DNAH5: variants seen among roughly 807,000 people sequenced by gnomAD.
The protein encoded by DNAH5 is dynein axonemal heavy chain 5.
DNAH5 carries 372 observed loss-of-function variants against 518.2 expected under a neutral mutation model. The ratio of observed to expected loss-of-function variants is 0.72; its 90% CI spans 0.66 to 0.78. DNAH5 has a LOEUF of 0.78. Among genes scored for constraint, DNAH5 ranks in the 30% least tolerant of loss-of-function variants. The pLI is 0.00. For missense variants in DNAH5, 5,523 were observed against 5,687.0 expected, an observed-to-expected ratio of 0.97 and a Z score of 0.93; for synonymous variants, 2,039 against 2,025.9, an observed-to-expected ratio of 1.01 and a Z score of -0.17.
chr5:13,777,325 A>C lies in DNAH5; in HGVS notation c.8982T>G (p.Asp2994Glu), dbSNP rs773014523. Residue 2994 changes from aspartate (D) to glutamate (E), a missense_variant, in exon 54 of 79, where the codon GAT (aspartate) becomes GAG (glutamate). By Grantham distance (45) the Asp-to-Glu change is conservative. Around this residue, in one of 3 missense-constraint regions of DNAH5, gnomAD observed 5,121 missense variants for 5,223.3 expected, o/e 0.98. Transcript: ENST00000265104. ...CAGCTGTTCGATACAAAACCTTCAG[A>C]TCTTCCATCAGATTTGATGTGTTGT... The part of the protein sequence containing the change: ...RSYNTSNLME[D>E]LKVLYRTAGQ... 1.2e-6 allele frequency: 2 copies of C among 1,613,418 alleles called. No individual in the cohort carries two copies. Among genetic ancestry groups the C allele is most frequent in the Non-Finnish European group, 1.7e-6 (2 of 1,179,606 alleles).
chr5:13,797,339 T>G (rs767364676), intron 47 of DNAH5, among the ~76,000 whole-genome samples: 39 of 152,166 alleles, frequency 2.6e-4, no homozygotes, highest in Non-Finnish European at 5.3e-4. Flanking sequence ...TACAGAGAAC[T>G]CAAACAAATT....
upstream of DNAH5, among the ~76,000 whole-genome samples, chr5:13,947,709 G>A (rs147870097): frequency 1.3e-3 from 195 of 152,244 alleles, 1 homozygote; most frequent in African/African-American, 4.5e-3. Flanking sequence ...CTAGCTACAC[G>A]TTTTTCATGG....
At chr5:13,974,345 G>C (rs960900593) in intron 1 of DNAH5, among the ~76,000 whole-genome samples, 1 of 151,982 alleles carries the variant, frequency 6.6e-6, no homozygotes, top group Non-Finnish European at 1.5e-5. Flanking sequence ...GGCTGGGCTT[G>C]AACTCCTGGA....
In DNAH5 at chr5:13,885,061, G is replaced by C. The variant is rs1043801192; in HGVS notation, c.2911C>G (p.Leu971Val). 2 of 1,614,198 alleles carry C rather than the reference G, an allele frequency of 1.2e-6. No individual in the cohort carries two copies. The highest frequency in any genetic ancestry group is 2.7e-5 in the African/African-American group (2 of 75,062). The change falls in exon 19 of 79, where the codon CTG becomes GTG. Residue 971 changes from leucine (L) to valine (V), a missense_variant. Leu to Val is a conservative substitution (Grantham distance 32, BLOSUM62 1). Coordinates refer to ENST00000265104, the MANE Select transcript of DNAH5 (RefSeq NM_001369.3). Reference protein sequence around the residue: ...HFNHQNMDALLKVTRNTLEAI... With the variant: ...HFNHQNMDALVKVTRNTLEAI... The stretch of plus-strand genomic sequence containing the variant: ...TCTAGTGTATTCCTTGTAACTTTCA[G>C]AAGAGCATCCATGTTCTGATGGTTG...
intron 78 of DNAH5, among the ~76,000 whole-genome samples, chr5:13,695,931 C>T (rs575519393): frequency 2.6e-4 from 39 of 152,066 alleles, no homozygotes; most frequent in Non-Finnish European, 4.9e-4. Flanking sequence ...AAAACAATTT[C>T]CCAGACTCAT....
At chr5:13,904,308 T>G (rs956172218) in intron 12 of DNAH5, among the ~76,000 whole-genome samples, 12 of 149,122 alleles carry the variant, frequency 8.0e-5, no homozygotes, top group African/African-American at 2.2e-4. Context: ...GGAAAGAGAG[T>G]CTCAGCTGTT....
At chr5:13,778,394 A>G (rs887394138) in intron 53 of DNAH5, among the ~76,000 whole-genome samples, 5 of 150,654 alleles carry the variant, frequency 3.3e-5, no homozygotes, top group Non-Finnish European at 3.0e-5. Flanking sequence ...CTTCTAGAAG[A>G]CACCTAGAGA....
chr5:13,827,760 C>T (rs973578804), intron 38 of DNAH5, among the ~76,000 whole-genome samples: 17 of 151,966 alleles, frequency 1.1e-4, no homozygotes, highest in African/African-American at 3.9e-4. Context: ...GTTCCATAAT[C>T]CCCACATGTC....
At chr5:13,768,237 C>T (rs1752773645) in intron 58 of DNAH5, among the ~76,000 whole-genome samples, 1 of 152,122 alleles carries the variant, frequency 6.6e-6, no homozygotes, top group African/African-American at 2.4e-5. Context: ...TTCCCCCATG[C>T]TGTTCTCATG....
At chr5:13,753,884 T>C (rs1317744959) in intron 62 of DNAH5, among the ~76,000 whole-genome samples, 2 of 152,136 alleles carry the variant, frequency 1.3e-5, no homozygotes, top group Non-Finnish European at 2.9e-5. Context: ...AATATACCCA[T>C]GCACTCACAG....
chr5:13,947,140 T>A (rs1258604125), upstream of DNAH5, among the ~76,000 whole-genome samples: 2 of 152,230 alleles, frequency 1.3e-5, no homozygotes, highest in Non-Finnish European at 2.9e-5. Flanking sequence ...AAATGTATAA[T>A]GACAAGTAAA....
intron 1 of DNAH5, among the ~76,000 whole-genome samples, chr5:13,975,072 G>T (rs1056831639): frequency 1.3e-5 from 2 of 152,194 alleles, no homozygotes; most frequent in African/African-American, 4.8e-5. Flanking sequence ...CTTGGGCACT[G>T]CATTAGTCTG....
intron 55 of DNAH5, among the ~76,000 whole-genome samples, chr5:13,775,519 T>C (rs940351384): frequency 6.6e-6 from 1 of 151,138 alleles, no homozygotes; most frequent in African/African-American, 2.4e-5. Flanking sequence ...GAAATACAGA[T>C]AGATAGATAG....
chr5:13,861,326 C>T (rs1013764515), intron 29 of DNAH5, among the ~76,000 whole-genome samples: 5 of 152,102 alleles, frequency 3.3e-5, no homozygotes, highest in Non-Finnish European at 7.4e-5. Context: ...ACTTTATATC[C>T]CAATATTACT....
Position 13,883,081 on chromosome 5 carries a change from GGCA to G in DNAH5, c.2994_2996del (p.Ala999del). ...GCAAACTGTTCTGCTTCATGTTAGA[GGCA>G]CTGTTACTGTCTGAGTTAACCCAAA... On this transcript the variant is annotated inframe_deletion, in exon 20 of 79. Transcript: ENST00000265104. 1.2e-6 allele frequency: 2 copies of G among 1,613,918 alleles called. No individual in the cohort carries two copies. The highest frequency in any genetic ancestry group is 1.7e-6 in the Non-Finnish European group (2 of 1,180,024).
At chr5:13,838,109 G>A (rs1192025751) in intron 35 of DNAH5, among the ~76,000 whole-genome samples, 4 of 152,158 alleles carry the variant, frequency 2.6e-5, no homozygotes, top group South Asian at 2.1e-4. Flanking sequence ...AATGATTAAC[G>A]CAAGCCATTT....
intron 1 of DNAH5, among the ~76,000 whole-genome samples, chr5:14,005,356 C>T (rs911410527): frequency 6.6e-6 from 1 of 152,222 alleles, no homozygotes; most frequent in Non-Finnish European, 1.5e-5. Flanking sequence ...CTCTCTGTTT[C>T]TTCCAGCTCA....
chr5:13,895,633 ACC>A (rs1773821028), intron 15 of DNAH5, among the ~76,000 whole-genome samples: 24 of 152,144 alleles, frequency 1.6e-4, no homozygotes, highest in African/African-American at 5.6e-4. Flanking sequence ...CACACCGGGA[ACC>A]AGTATTGATC....
intron 38 of DNAH5, among the ~76,000 whole-genome samples, chr5:13,828,333 G>A (rs1460752024): frequency 6.6e-6 from 1 of 152,206 alleles, no homozygotes; most frequent in Non-Finnish European, 1.5e-5. Flanking sequence ...ATATATGTTA[G>A]GAAGTGTTAT....
Sources: allele counts gnomAD v4.1 joint callset (sites outside exome capture counted in the v4.1 genomes callset), GRCh38; gene constraint gnomAD v4.1.1; regional missense constraint gnomAD v4.1.1; transcripts MANE v1.5; gene names NCBI Gene and HGNC (gene_info 2026-07-23, HGNC 2026-07-21).